Variants in PRLR observed in about 807,000 individuals in gnomAD.
PRLR encodes the protein prolactin receptor, also known as hPRL receptor.
A neutral mutation model predicts 40.2 loss-of-function variants in PRLR; 13 were observed. The observed-to-expected ratio is 0.32, with a 90% CI of 0.21 to 0.51. The LOEUF (loss-of-function observed/expected upper bound fraction) is 0.51, where lower values mean the gene tolerates loss of function less well. Ranked by LOEUF, PRLR falls within the 20% of genes least tolerant of loss-of-function variation. PRLR has a pLI of 0.97. For missense variants in PRLR, 656 were observed against 747.3 expected (o/e 0.88, Z 1.42); for synonymous variants, 269 against 278.7 (o/e 0.97, Z 0.35).
intron 1 of PRLR, among the ~76,000 whole-genome samples, chr5:35,178,706 T>G (rs1775212557): frequency 6.6e-6 from 1 of 152,176 alleles, no homozygotes; most frequent in Admixed American, 6.5e-5. Flanking sequence ...AAAACCACAT[T>G]TTAACAATGC....
intron 2 of PRLR, among the ~76,000 whole-genome samples, chr5:35,112,569 T>C (rs114743852): frequency 0.013 from 1,919 of 152,122 alleles, 46 homozygotes; most frequent in African/African-American, 0.043. Flanking sequence ...GGGAAAGCAC[T>C]GGGCTCAAGG....
At chr5:35,156,329 C>T (rs991958645) in intron 1 of PRLR, among the ~76,000 whole-genome samples, 5 of 152,084 alleles carry the variant, frequency 3.3e-5, no homozygotes, top group Non-Finnish European at 4.4e-5. Flanking sequence ...TAAATGTCTG[C>T]GTTAGCCTCC....
At chr5:35,066,806 C>G (rs1201011687) in intron 9 of PRLR, among the ~76,000 whole-genome samples, 1 of 148,996 alleles carries the variant, frequency 6.7e-6, no homozygotes, top group Non-Finnish European at 1.5e-5. Flanking sequence ...CTCTGTTGCC[C>G]AGGCTGGAGT....
At chr5:35,187,474 GCTCA>G (rs1183260617) in intron 1 of PRLR, among the ~76,000 whole-genome samples, 3 of 152,040 alleles carry the variant, frequency 2.0e-5, no homozygotes, top group Non-Finnish European at 4.4e-5. Context: ...ACAGATGAGA[GCTCA>G]CTATTACTGA....
intron 1 of PRLR, among the ~76,000 whole-genome samples, chr5:35,202,315 G>A (rs976797469): frequency 3.9e-5 from 6 of 152,122 alleles, no homozygotes; most frequent in South Asian, 2.1e-4. Flanking sequence ...CCTGATTCAC[G>A]GATCAAACCG....
At chr5:35,103,785 C>G (rs1772045369) in intron 2 of PRLR, among the ~76,000 whole-genome samples, 2 of 152,186 alleles carry the variant, frequency 1.3e-5, no homozygotes, top group Admixed American at 1.3e-4. Context: ...AAGTTTGATG[C>G]TTTGCCAATG....
rs142336257 is a variant in PRLR, at chr5:35,107,666, A to T, written c.-44+10395T>A. Among the ~76,000 whole-genome samples the T allele has an allele frequency of 3.8e-3, 577 of 152,304 alleles. 4 individuals carry two copies. The highest frequency in any genetic ancestry group is 0.013 in the African/African-American group (560 of 41,562). ...TCCTGGTAACACACACCCTCCCAAG[A>T]CTCAACCAGGAAGAAGTCGAATCCC... On this transcript the variant is annotated intron_variant, in intron 2 of 9. Coordinates refer to ENST00000618457, the MANE Select transcript of PRLR (RefSeq NM_000949.7).
intron 1 of PRLR, among the ~76,000 whole-genome samples, chr5:35,157,869 T>TCCAGCTAATATCTTCTTC (rs1234913903): frequency 6.6e-6 from 1 of 152,234 alleles, no homozygotes; most frequent in African/African-American, 2.4e-5. Context: ...TTGTGTGTGT[T>TCCAGCTAATATCTTCTTC]CCAGCTAATA....
chr5:35,206,419 T>A (rs558166002), intron 1 of PRLR, among the ~76,000 whole-genome samples: 1 of 152,100 alleles, frequency 6.6e-6, no homozygotes. Context: ...CAGGAATGTA[T>A]TGTAAAGGAT....
chr5:35,097,364 GTAT>G (rs1771595349), intron 2 of PRLR, among the ~76,000 whole-genome samples: 1 of 152,152 alleles, frequency 6.6e-6, no homozygotes, highest in African/African-American at 2.4e-5. Flanking sequence ...TGAGGTGTAG[GTAT>G]TATTATTATT....
At chr5:35,201,193 A>G (rs943864445) in intron 1 of PRLR, among the ~76,000 whole-genome samples, 5 of 152,154 alleles carry the variant, frequency 3.3e-5, no homozygotes, top group Admixed American at 3.3e-4. Flanking sequence ...TGGTATATGC[A>G]CTGGTTCTAG....
intron 1 of PRLR, among the ~76,000 whole-genome samples, chr5:35,174,604 C>T (rs546832859): frequency 1.6e-4 from 24 of 152,282 alleles, no homozygotes; most frequent in African/African-American, 5.5e-4. Context: ...TTGCCTTATC[C>T]ACCATTACTC....
At chr5:35,100,263 T>A (rs1451319518) in intron 2 of PRLR, among the ~76,000 whole-genome samples, 1 of 151,974 alleles carries the variant, frequency 6.6e-6, no homozygotes, top group Non-Finnish European at 1.5e-5. Flanking sequence ...GTTAATTTAT[T>A]ACTGAAGAAA....
intron 6 of PRLR, among the ~76,000 whole-genome samples, chr5:35,072,086 T>C (rs1278445561): frequency 6.6e-6 from 1 of 151,454 alleles, no homozygotes; most frequent in Non-Finnish European, 1.5e-5. Flanking sequence ...TTAGTAGAGA[T>C]GGGGTTTCTT....
At chr5:35,095,011 C>T (rs1771448306) in intron 2 of PRLR, among the ~76,000 whole-genome samples, 1 of 151,704 alleles carries the variant, frequency 6.6e-6, no homozygotes, top group South Asian at 2.1e-4. Flanking sequence ...GTATATTCTG[C>T]AGTGATGGGG....
At chr5:35,068,066 T>C (rs1769487529) in intron 9 of PRLR, 150 bp downstream of exon 9, 4 of 672,416 alleles carry the variant, frequency 5.9e-6, no homozygotes, top group Non-Finnish European at 1.1e-5. Context: ...CACACAACTT[T>C]CTGTTAACAC....
intron 1 of PRLR, among the ~76,000 whole-genome samples, chr5:35,177,214 C>G (rs1176751443): frequency 6.6e-6 from 1 of 152,080 alleles, no homozygotes; most frequent in Non-Finnish European, 1.5e-5. Flanking sequence ...TGGCGGGATC[C>G]TCCATATGCT....
rs376617891 is a variant in PRLR at position 35,091,439 on chromosome 5, C to T, written c.-43-1776G>A. On this transcript the variant is annotated intron_variant, in intron 2 of 9. Transcript: ENST00000618457. ...AATTTCATTTTGTCATCACAACAGCCCCGTGAGCAGCTACAGGTTTTAACA... is the reference window on the plus strand; with the variant it reads ...AATTTCATTTTGTCATCACAACAGCTCCGTGAGCAGCTACAGGTTTTAACA... Among the ~76,000 whole-genome samples the T allele has an allele frequency of 3.9e-5, 6 of 152,240 alleles. 1 individual carries two copies. The highest frequency in any genetic ancestry group is 2.4e-5 in the African/African-American group (1 of 41,532).
At chr5:35,213,811 C>G (rs1776224152) in intron 1 of PRLR, among the ~76,000 whole-genome samples, 1 of 152,134 alleles carries the variant, frequency 6.6e-6, no homozygotes, top group Non-Finnish European at 1.5e-5. Flanking sequence ...GTCACAAAAC[C>G]CATATCATTT....
Sources: gnomAD v4.1 joint callset for allele counts (sites outside exome capture counted in the v4.1 genomes callset) on GRCh38, gnomAD v4.1.1 for gene constraint, MANE v1.5 for transcripts, NCBI Gene and HGNC (gene_info 2026-07-23, HGNC 2026-07-21) for gene names.